PPP2R2C: variants seen among roughly 807,000 people sequenced by gnomAD.
The protein encoded by PPP2R2C is protein phosphatase 2, regulatory subunit B, gamma.
PPP2R2C carries 10 observed loss-of-function variants against 45.3 expected under a neutral mutation model. The ratio of observed to expected loss-of-function variants is 0.22; its 90% confidence interval spans 0.14 to 0.37. PPP2R2C has a LOEUF of 0.37. Among genes scored for constraint, PPP2R2C ranks in the 10% least tolerant of loss-of-function variants. The pLI is 1.00. For missense variants in PPP2R2C, 308 were observed against 619.7 expected (o/e 0.50, Z 5.34); for synonymous variants, 257 against 245.4 (o/e 1.05, Z -0.44).
rs147429100 is a variant in PPP2R2C, at chr4:6,544,622, C to A, written c.-58-9245G>T. Among the ~76,000 whole-genome samples, 841 of 152,306 alleles carry A rather than the reference C, an allele frequency of 5.5e-3. 6 individuals carry two copies. Among genetic ancestry groups the A allele is most frequent in the African/African-American group, 0.019 (797 of 41,554 alleles). The stretch of plus-strand genomic sequence containing the variant: ...AACGTGCTGGGATTACAAGAATAAG[C>A]CAGCACACCCGGCTCCAAAAGCATT... On this transcript the variant is annotated intron_variant, in intron 1 of 9. Transcript: ENST00000506140.
At chr4:6,505,103 C>G (rs2108797134) in intron 2 of PPP2R2C, among the ~76,000 whole-genome samples, 1 of 152,166 alleles carries the variant, frequency 6.6e-6, no homozygotes, top group African/African-American at 2.4e-5. Flanking sequence ...CCACTACTGA[C>G]TTCTCATCAG....
chr4:6,487,776 C>T (rs1027140879), intron 2 of PPP2R2C, among the ~76,000 whole-genome samples: 1 of 152,002 alleles, frequency 6.6e-6, no homozygotes, highest in Admixed American at 6.6e-5. Context: ...GGAAATTTGC[C>T]AGCCATTATT....
chr4:6,355,737 T>C (rs1713112019), intron 5 of PPP2R2C, among the ~76,000 whole-genome samples: 1 of 151,948 alleles, frequency 6.6e-6, no homozygotes, highest in East Asian at 1.9e-4. Flanking sequence ...ACGCCTGTAA[T>C]CCCAGCACTT....
chr4:6,411,299 C>T (rs1718175709), intron 1 of PPP2R2C, among the ~76,000 whole-genome samples: 1 of 152,142 alleles, frequency 6.6e-6, no homozygotes, highest in Admixed American at 6.5e-5. Flanking sequence ...CACCATTGCA[C>T]CTTTCAGCCC....
In PPP2R2C at chr4:6,394,016, T is replaced by C. The variant is rs544450017; in HGVS notation, c.71-12922A>G. ...TGAGGGAGACCGAGAGAAGATCACA[T>C]GCTCCCTGCCTTCCTTCTTGCAACA... On this transcript the variant is annotated intron_variant, in intron 1 of 8. Coordinates refer to ENST00000382599, the MANE Select transcript of PPP2R2C (RefSeq NM_020416.4). Among the ~76,000 whole-genome samples the C allele has an allele frequency of 1.1e-3, 175 of 152,314 alleles. 1 individual carries two copies. The highest frequency in any genetic ancestry group is 4.0e-3 in the African/African-American group (168 of 41,568).
chr4:6,467,282 G>A (rs183880463), intron 1 of PPP2R2C, among the ~76,000 whole-genome samples: 2 of 152,250 alleles, frequency 1.3e-5, no homozygotes, highest in South Asian at 2.1e-4. Context: ...TTCCCCATAG[G>A]TTGGGGTGGA....
chr4:6,414,077 T>C, intron 1 of PPP2R2C: 2 of 154,528 alleles, frequency 1.3e-5, no homozygotes, highest in East Asian at 1.9e-4. Context: ...TGCCTGTGTA[T>C]GTGTGTGTGT....
At chr4:6,385,640 G>A (rs1292422515) in intron 1 of PPP2R2C, among the ~76,000 whole-genome samples, 1 of 151,952 alleles carries the variant, frequency 6.6e-6, no homozygotes. Context: ...TGCAATCTTG[G>A]CCCACTGCAA....
At chr4:6,541,571 G>C (rs1724803517) in intron 1 of PPP2R2C, among the ~76,000 whole-genome samples, 1 of 152,040 alleles carries the variant, frequency 6.6e-6, no homozygotes, top group Non-Finnish European at 1.5e-5. Flanking sequence ...TGGTGAGACA[G>C]AGTCCCACTC....
At chr4:6,516,364 C>T (rs758111505) in intron 2 of PPP2R2C, among the ~76,000 whole-genome samples, 20 of 152,198 alleles carry the variant, frequency 1.3e-4, no homozygotes, top group Non-Finnish European at 2.5e-4. Context: ...AATTCCTGCC[C>T]GTTGCCTCGT....
At chr4:6,530,965 C>T (rs4689471) in intron 2 of PPP2R2C, among the ~76,000 whole-genome samples, 82,948 of 152,062 alleles carry the variant, frequency 0.55, 24,220 homozygotes, top group East Asian at 0.73. Flanking sequence ...AGTGCAGCTG[C>T]GGCATCACTG....
Position 6,337,136 on chromosome 4 carries a change from A to G in PPP2R2C, c.791-3405T>C, listed in dbSNP as rs1316272128. On this transcript the variant is annotated intron_variant, in intron 6 of 8. Transcript: ENST00000382599. ...TGTATATATATATATATATATATATATATATATATATATATATATATATAT... is the reference window on the plus strand; with the variant it reads ...TGTATATATATATATATATATATATGTATATATATATATATATATATATAT... Among the ~76,000 whole-genome samples, 79 of 75,526 alleles carry G rather than the reference A, an allele frequency of 1.0e-3. 9 individuals are homozygous for G. The highest frequency in any genetic ancestry group is 3.5e-3 in the Admixed American group (26 of 7,468). 49.5% of individuals were successfully genotyped at this position (75,526 alleles called of 152,430 possible).
intron 2 of PPP2R2C, among the ~76,000 whole-genome samples, chr4:6,478,318 A>G (rs1722234449): frequency 6.6e-6 from 1 of 152,210 alleles, no homozygotes; most frequent in African/African-American, 2.4e-5. Context: ...GCACTTTCCC[A>G]TCCCTTTTAA....
At position 6,378,537 on chromosome 4, in the gene PPP2R2C, G is replaced by T. The variant is rs200481224; in HGVS notation, c.204C>A (p.Asp68Glu). 3.9e-5 allele frequency: 63 copies of T among 1,614,084 alleles called. No homozygotes were observed. The highest frequency in any genetic ancestry group is 5.3e-5 in the Non-Finnish European group (63 of 1,180,008). The change falls in exon 3 of 9, where the codon GAC becomes GAA. Residue 68 changes from aspartate to glutamate, a missense_variant. By Grantham distance (45) the Asp-to-Glu change is conservative. Transcript: ENST00000382599. The surrounding 1 kb of genome is among the most constrained non-coding windows in gnomAD (Gnocchi z 5.2). ...CGTGGCTCTGGAAAGTGCTGTACAC[G>T]TCGTATTCGCCCTGGCTGTGGGGCG... ...KNAPHSQGEY[D>E]VYSTFQSHEP...
In PPP2R2C at chr4:6,324,096, A is replaced by C. The variant is rs1336644536; in HGVS notation, c.1053-503T>G. On this transcript the variant is annotated intron_variant, in intron 8 of 8. Coordinates refer to ENST00000382599, the MANE Select transcript of PPP2R2C (RefSeq NM_020416.4). This position sits in a 1 kb window ranked among gnomAD's most constrained non-coding sequence, Gnocchi z 4.1. ...CCACCAACATGCAGACTTTGGGGCC[A>C]GGAGCTAAGATCCTTTTTATCCTCT... 6.6e-6 allele frequency among the ~76,000 whole-genome samples: 1 copy of C among 152,136 alleles called. No homozygotes were observed. Among genetic ancestry groups the C allele is most frequent in the Admixed American group, 6.5e-5 (1 of 15,282 alleles).
chr4:6,443,828 G>C, intron 1 of PPP2R2C, among the ~76,000 whole-genome samples: 1 of 152,026 alleles, frequency 6.6e-6, no homozygotes, highest in East Asian at 1.9e-4. Context: ...CAAACAGATG[G>C]CTCCCGGTGC....
At chr4:6,481,716 C>T (rs995356824) in intron 2 of PPP2R2C, among the ~76,000 whole-genome samples, 11 of 152,108 alleles carry the variant, frequency 7.2e-5, no homozygotes, top group South Asian at 6.2e-4. Flanking sequence ...TGGTAACTCA[C>T]GCCTGTAATC....
chr4:6,379,309 A>G (rs190249890), intron 2 of PPP2R2C, among the ~76,000 whole-genome samples: 3 of 152,314 alleles, frequency 2.0e-5, no homozygotes, highest in Admixed American at 1.3e-4. Flanking sequence ...GCCAGGGACC[A>G]CGTTCCCAGG....
Position 6,348,557 on chromosome 4 carries a change from G to C in PPP2R2C, c.626-547C>G, listed in dbSNP as rs151104338. 81 of 826,830 alleles carry C rather than the reference G, an allele frequency of 9.8e-5. No individual in the cohort carries two copies. The African/African-American group carries it at 1.3e-3, about 13-fold the overall frequency. The allele number at this position is 826,830 out of a possible 1,614,324, so 51.2% of individuals were successfully genotyped here. On this transcript the variant is annotated intron_variant, in intron 5 of 8. Transcript: ENST00000382599. ...CCCCTTCTTCTGACCACAGTATGGA[G>C]ATTCTCCTTTGGGCAAAGGTTCTTC...
Sources: allele counts gnomAD v4.1 joint callset (sites outside exome capture counted in the v4.1 genomes callset), GRCh38; gene constraint gnomAD v4.1.1; non-coding constraint Gnocchi (gnomAD v3.1); transcripts MANE v1.5; gene names NCBI Gene and HGNC (gene_info 2026-07-23, HGNC 2026-07-21).